Variants in ATAD3B observed in about 807,000 individuals in gnomAD.
ATAD3B encodes ATPase family AAA domain containing 3B, also known as ATPase family AAA domain-containing protein 3B.
In ATAD3B, 59 loss-of-function variants were observed where a neutral mutation model predicts 70.2. The observed-to-expected ratio is 0.84, with a 90% confidence interval of 0.68 to 1.04. The LOEUF (loss-of-function observed/expected upper bound fraction) is 1.04, where lower values mean the gene tolerates loss of function less well. Among genes scored for constraint, ATAD3B ranks in the 50% least tolerant of loss-of-function variants. The pLI, the probability that ATAD3B is intolerant of heterozygous loss-of-function variation, is 0.00. For synonymous variants in ATAD3B, 423 were observed against 388.6 expected (o/e 1.09, Z -1.04); for missense variants, 961 against 913.4 (o/e 1.05, Z -0.67).
intron 15 of ATAD3B, among the ~76,000 whole-genome samples, chr1:1,492,476 A>T (rs1484219130): frequency 6.6e-6 from 1 of 151,436 alleles, no homozygotes; most frequent in Non-Finnish European, 1.5e-5. Flanking sequence ...ACAGAGTGAG[A>T]CTGTCTCAAA....
In ATAD3B at chr1:1,487,798, C is replaced by G; in HGVS notation, c.1215-65C>G. ...CTGCCTGGCCTGCTCCTGCCGCGGC[C>G]GGACGCTGCTGTGGGCTGCTCCTGG... On this transcript the variant is annotated intron_variant, in intron 11 of 15. Transcript: ENST00000673477. The G allele has an allele frequency of 3.8e-6, 6 of 1,590,326 alleles. No individual in the cohort carries two copies. In the South Asian group the frequency reaches 4.4e-5, roughly 12 times the overall value.
At chr1:1,476,777 G>C (rs1015358127) in intron 1 of ATAD3B, among the ~76,000 whole-genome samples, 8 of 151,796 alleles carry the variant, frequency 5.3e-5, no homozygotes, top group Non-Finnish European at 1.5e-5. Flanking sequence ...CAAAGTGCTG[G>C]GATTACAGGC....
intron 15 of ATAD3B, among the ~76,000 whole-genome samples, chr1:1,490,947 C>T (rs149504070): frequency 6.6e-6 from 1 of 152,096 alleles, no homozygotes; most frequent in African/African-American, 2.4e-5. Flanking sequence ...TGCCCGGGCT[C>T]TGCTGGGTGT....
chr1:1,497,159 CCTCTGCTCG>C lies in ATAD3B; in HGVS notation c.*1347_*1355del, dbSNP rs1174406020. 7 of 151,504 alleles carry C rather than the reference CCTCTGCTCG, an allele frequency of 4.6e-5. No individual in the cohort carries two copies. Among genetic ancestry groups the C allele is most frequent in the Admixed American group, 3.3e-4 (5 of 15,220 alleles). The allele number at this position is 151,504 out of a possible 1,614,324, so 9.4% of individuals were successfully genotyped here. ...GCAGTGCTTGGAGGGGGGCGGTCTA[CCTCTGCTCG>C]CTCTCTCCATTTCTCTCTCTACCTC... On this transcript the variant is annotated 3_prime_UTR_variant, in exon 16 of 16. Coordinates refer to ENST00000673477, the MANE Select transcript of ATAD3B (RefSeq NM_031921.6).
Position 1,490,244 on chromosome 1 carries a change from C to T in ATAD3B, c.1338-13C>T, listed in dbSNP as rs760825536. 6.2e-7 allele frequency: 1 copy of T among 1,609,378 alleles called. No individual in the cohort carries two copies. ...GCAGCCCCAGCGTTTCCTTCCCCAT[C>T]CCTGTCCTACAGATTCATGCTGGTC... On this transcript the variant is annotated splice_polypyrimidine_tract_variant and intron_variant, in intron 13 of 15. Coordinates refer to ENST00000673477, the MANE Select transcript of ATAD3B (RefSeq NM_031921.6).
At chr1:1,481,025 G>C in intron 5 of ATAD3B, 89 bp downstream of exon 5, 1 of 1,555,300 alleles carries the variant, frequency 6.4e-7, no homozygotes, top group Non-Finnish European at 8.6e-7. Flanking sequence ...TCTGCCGCCC[G>C]GCCCCTCATA....
At chr1:1,480,231 C>T (rs1194297858) in intron 4 of ATAD3B, among the ~76,000 whole-genome samples, 2 of 127,896 alleles carry the variant, frequency 1.6e-5, no homozygotes, top group South Asian at 2.8e-4. Context: ...GGCACACACA[C>T]ATTACTGCAC....
chr1:1,502,122 G>A (rs1278263198), downstream of ATAD3B, among the ~76,000 whole-genome samples: 2 of 151,878 alleles, frequency 1.3e-5, no homozygotes, highest in Non-Finnish European at 2.9e-5. Flanking sequence ...CAGGTGATCC[G>A]CCTGCCTCGG....
chr1:1,472,024 G>A lies in ATAD3B; in HGVS notation c.140G>A (p.Trp47Ter), dbSNP rs1639349507. ...LGDRPAPKDK[W>*]SNFDPTGLER... ...GACCGGCCGGCGCCCAAGGACAAAT[G>A]GAGCAACTTCGACCCCACCGGCCTG... The change falls in exon 1 of 16, where the codon TGG becomes TAG. Residue 47 changes from tryptophan to a stop codon, truncating the protein, a stop_gained. Coordinates refer to ENST00000673477, the MANE Select transcript of ATAD3B (RefSeq NM_031921.6). LOFTEE classifies it high-confidence loss of function. 2.4e-6 allele frequency: 3 copies of A among 1,236,808 alleles called. No homozygotes were observed. The Admixed American group carries it at 1.3e-4, about 54-fold the overall frequency. 76.6% of individuals were successfully genotyped at this position (1,236,808 alleles called of 1,614,324 possible). A position where few individuals can be genotyped will look rare whatever the true frequency, so the allele number is the denominator to read the frequency against.
intron 4 of ATAD3B, among the ~76,000 whole-genome samples, chr1:1,479,895 C>T (rs941837108): frequency 6.9e-6 from 1 of 144,982 alleles, no homozygotes; most frequent in East Asian, 2.1e-4. Context: ...GGCATGCACA[C>T]GCCCACACAC....
At chr1:1,502,858 G>A in the ATAD3B span, among the ~76,000 whole-genome samples, 1 of 151,430 alleles carries the variant, frequency 6.6e-6, no homozygotes, top group Non-Finnish European at 1.5e-5. Context: ...AAAACCTTGC[G>A]AGTTTGGGAT....
At chr1:1,482,865 T>G (rs1263649236) in intron 7 of ATAD3B, 1 of 607,688 alleles carries the variant, frequency 1.6e-6, no homozygotes, top group Non-Finnish European at 3.0e-6. Flanking sequence ...TAGCTGGGTG[T>G]GATGGTGGCG....
In ATAD3B at chr1:1,497,768, A is replaced by C. The variant is rs1570290051; in HGVS notation, c.*1951A>C. The C allele has an allele frequency of 2.0e-5, 3 of 149,362 alleles. No homozygotes were observed. Among genetic ancestry groups the C allele is most frequent in the Non-Finnish European group, 4.4e-5 (3 of 67,738 alleles). 9.3% of individuals were successfully genotyped at this position (149,362 alleles called of 1,614,324 possible). On this transcript the variant is annotated 3_prime_UTR_variant, in exon 16 of 16. Transcript: ENST00000673477. The stretch of plus-strand genomic sequence containing the variant: ...GTAATCCCAGCTACTCGGGAGGCTG[A>C]GGCAGGAGACTCGCTTGGACCTGGG...
At chr1:1,473,900 G>C (rs1171363356) in intron 1 of ATAD3B, among the ~76,000 whole-genome samples, 1 of 152,054 alleles carries the variant, frequency 6.6e-6, no homozygotes, top group African/African-American at 2.4e-5. Flanking sequence ...TGGTACTTGT[G>C]GTTCCATCCT....
In ATAD3B at chr1:1,490,561, A is replaced by C. The variant is rs761300172; in HGVS notation, c.1506-2A>C. 4 of 1,610,618 alleles carry C rather than the reference A, an allele frequency of 2.5e-6. No individual in the cohort carries two copies. Among genetic ancestry groups the C allele is most frequent in the Non-Finnish European group, 2.5e-6 (3 of 1,178,872 alleles). ...TGCCTCACTTGGGAACTCCTTCCCC[A>C]GGCGCCTGAAGCTGGCCCAGTTTGA... On this transcript the variant is annotated splice_acceptor_variant, in intron 14 of 15. Transcript: ENST00000673477. LOFTEE classifies it high-confidence loss of function.
the ATAD3B span, among the ~76,000 whole-genome samples, chr1:1,508,195 G>A: frequency 1.3e-3 from 199 of 149,678 alleles, 4 homozygotes; most frequent in Admixed American, 0.013. Context: ...CCACAGTGGC[G>A]GTACGGCTCC....
intron 4 of ATAD3B, among the ~76,000 whole-genome samples, chr1:1,479,559 C>G (rs1570212179): frequency 7.0e-6 from 1 of 142,740 alleles, no homozygotes; most frequent in African/African-American, 2.6e-5. Flanking sequence ...ACACACACAC[C>G]CCGCCACAAC....
chr1:1,477,412 GGT>G (rs1570198634), intron 2 of ATAD3B, 62 bp downstream of exon 2: 1 of 1,608,096 alleles, frequency 6.2e-7, no homozygotes, highest in Non-Finnish European at 8.5e-7. Context: ...CGTGGAGATT[GGT>G]GGGGCTGCTA....
At chr1:1,475,725 G>A (rs1377533167) in intron 1 of ATAD3B, among the ~76,000 whole-genome samples, 3 of 151,824 alleles carry the variant, frequency 2.0e-5, no homozygotes, top group East Asian at 3.9e-4. Flanking sequence ...GAATTCACGC[G>A]CTGGGACGCA....
Sources: gnomAD v4.1 joint callset for allele counts (sites outside exome capture counted in the v4.1 genomes callset) on GRCh38, gnomAD v4.1.1 for gene constraint, MANE v1.5 for transcripts, NCBI Gene and HGNC (gene_info 2026-07-23, HGNC 2026-07-21) for gene names.